Variants in DNAH8 observed in about 807,000 individuals in gnomAD.
DNAH8 encodes axonemal beta dynein heavy chain 8.
A neutral mutation model predicts 562.1 loss-of-function variants in DNAH8; 382 were observed. That is an observed-to-expected ratio of 0.68 (90% CI 0.63 to 0.74). DNAH8 has a LOEUF of 0.74. DNAH8 is among the 30% of genes least tolerant of loss of function. The pLI is 0.00. For missense variants in DNAH8, 5,203 were observed against 5,620.4 expected (o/e 0.93, Z 2.37); for synonymous variants, 1,881 against 1,919.4 (o/e 0.98, Z 0.52).
rs1422549185 is a variant in DNAH8 at position 38,857,989 on chromosome 6, A to G, written c.5958+247A>G. Reference sequence around the variant, plus strand: ...ATGAGCCAGCTAATTGTTCCATTAAACCAAATAACCAGGAACATGATATAA... The same window carrying G: ...ATGAGCCAGCTAATTGTTCCATTAAGCCAAATAACCAGGAACATGATATAA... On this transcript the variant is annotated intron_variant, in intron 42 of 92. Transcript: ENST00000327475. Among the ~76,000 whole-genome samples, 4 of 152,176 alleles carry G rather than the reference A, an allele frequency of 2.6e-5. No homozygotes were observed. In the East Asian group the frequency reaches 7.7e-4, roughly 29 times the overall value.
Position 38,842,483 on chromosome 6 carries a change from G to A in DNAH8, c.4582G>A (p.Glu1528Lys). 1.9e-6 allele frequency: 3 copies of A among 1,611,846 alleles called. No individual in the cohort carries two copies. Among genetic ancestry groups the A allele is most frequent in the South Asian group, 2.2e-5 (2 of 90,328 alleles). ...GDVDIEKINA[E>K]LLEFQNRCRK... ...TGTAGATATTGAAAAAATTAATGCA[G>A]AACTGCTGGAATTTCAAAACAGGTG... Residue 1528 changes from glutamate to lysine, a missense_variant, in exon 34 of 93, where the codon GAA becomes AAA. Physicochemically the swap from Glu to Lys is moderately conservative, Grantham distance 56. Around this residue, in one of 6 missense-constraint regions of DNAH8, gnomAD observed 2,176 missense variants for 2,365.1 expected, o/e 0.92. Coordinates refer to ENST00000327475, the MANE Select transcript of DNAH8 (RefSeq NM_001206927.2).
chr6:38,725,543 T>G (rs1763149374), intron 3 of DNAH8, among the ~76,000 whole-genome samples: 1 of 152,060 alleles, frequency 6.6e-6, no homozygotes. Flanking sequence ...AGCTCTAAGC[T>G]ATTATAATGA....
chr6:38,750,347 T>C, intron 8 of DNAH8, 129 bp from the exon 9 acceptor site: 1 of 501,860 alleles, frequency 2.0e-6, no homozygotes. Flanking sequence ...GAAAAACATA[T>C]ATTAATCACA....
At chr6:38,872,472 C>G in intron 49 of DNAH8, 64 bp from the exon 50 acceptor site, 1 of 1,527,124 alleles carries the variant, frequency 6.5e-7, no homozygotes, top group Non-Finnish European at 8.9e-7. Context: ...CTTCAAGTAG[C>G]TACTATGAAT....
chr6:38,750,411 G>T (rs1180658478), intron 8 of DNAH8, 65 bp from the exon 9 acceptor site: 2 of 1,032,590 alleles, frequency 1.9e-6, no homozygotes, highest in South Asian at 3.3e-5. Context: ...TGAATTTCCC[G>T]AGTAAACTTT....
intron 21 of DNAH8, among the ~76,000 whole-genome samples, chr6:38,793,443 G>A (rs2127660422): frequency 6.6e-6 from 1 of 152,250 alleles, no homozygotes; most frequent in Non-Finnish European, 1.5e-5. Flanking sequence ...TGATATTGAT[G>A]TAATTATACC....
intron 73 of DNAH8, among the ~76,000 whole-genome samples, chr6:38,924,407 G>C (rs1209030834): frequency 6.6e-6 from 1 of 151,910 alleles, no homozygotes; most frequent in Non-Finnish European, 1.5e-5. Context: ...AGCTACTCAG[G>C]AGGCTGAGGC....
At chr6:38,999,253 C>T (rs1359522720) in intron 88 of DNAH8, among the ~76,000 whole-genome samples, 1 of 152,164 alleles carries the variant, frequency 6.6e-6, no homozygotes, top group Non-Finnish European at 1.5e-5. Context: ...CACCAGTGAA[C>T]TTGGCCAGAG....
chr6:38,964,413 A>T (rs1397393368), intron 82 of DNAH8, among the ~76,000 whole-genome samples: 1 of 135,920 alleles, frequency 7.4e-6, no homozygotes, highest in Non-Finnish European at 1.6e-5. Flanking sequence ...GGGGCTCCTC[A>T]CTTCCCAGTA....
intron 59 of DNAH8, among the ~76,000 whole-genome samples, chr6:38,895,719 T>C (rs143139459): frequency 3.9e-5 from 6 of 152,304 alleles, no homozygotes; most frequent in South Asian, 4.1e-4. Context: ...AAAAGGTCCT[T>C]TGTGTACTGA....
intron 9 of DNAH8, among the ~76,000 whole-genome samples, chr6:38,755,727 G>T (rs1290481174): frequency 1.3e-5 from 2 of 152,088 alleles, no homozygotes; most frequent in Admixed American, 6.6e-5. Context: ...TGATAGCACA[G>T]AATTCTCTTT....
rs1386224345 is a variant in DNAH8 at position 38,911,473 on chromosome 6, G to A, written c.9746G>A (p.Arg3249His). 3.1e-6 allele frequency: 5 copies of A among 1,609,214 alleles called. No homozygotes were observed. Among genetic ancestry groups the A allele is most frequent in the Non-Finnish European group, 4.3e-6 (5 of 1,175,666 alleles). Residue 3249 changes from arginine (R) to histidine (H), a missense_variant, in exon 66 of 93, where the codon CGC becomes CAC. By Grantham distance (29) the Arg-to-His change is conservative. Transcript: ENST00000327475. ...ESCESYFQRYRRRAHVTPKSY... is the reference protein window; with the variant it reads ...ESCESYFQRYHRRAHVTPKSY... ...TTTTAATGTTCTGCTTTCAGATACC[G>A]CCGAAGAGCACATGTGACTCCCAAA... is the stretch of plus-strand genomic sequence containing the variant.
chr6:38,854,181 A>G (rs1277622403), intron 41 of DNAH8, among the ~76,000 whole-genome samples: 1 of 152,150 alleles, frequency 6.6e-6, no homozygotes, highest in Admixed American at 6.5e-5. Context: ...TTAAAAATGG[A>G]CATAAATTGT....
At chr6:38,903,094 G>T (rs1490820400) in intron 62 of DNAH8, among the ~76,000 whole-genome samples, 1 of 152,188 alleles carries the variant, frequency 6.6e-6, no homozygotes, top group East Asian at 1.9e-4. Flanking sequence ...CAGGTTTGTA[G>T]CTTAGGAGCA....
chr6:38,940,447 A>T (rs1317794452), intron 79 of DNAH8, among the ~76,000 whole-genome samples: 1 of 152,200 alleles, frequency 6.6e-6, no homozygotes, highest in East Asian at 1.9e-4. Context: ...TCAGAATCAG[A>T]ATAGGCCAGG....
At chr6:38,738,061 G>T in intron 7 of DNAH8, 89 bp downstream of exon 7, 1 of 1,358,334 alleles carries the variant, frequency 7.4e-7, no homozygotes, top group South Asian at 1.3e-5. Context: ...AAAGGGAAGA[G>T]GTGTCTCCTT....
intron 1 of DNAH8, among the ~76,000 whole-genome samples, chr6:38,719,883 C>T (rs994386876): frequency 6.6e-5 from 10 of 152,206 alleles, no homozygotes; most frequent in African/African-American, 2.4e-4. Flanking sequence ...AATGGTGGCA[C>T]AGAAGCAAGC....
chr6:38,732,448 G>A (rs1376711959), intron 4 of DNAH8, among the ~76,000 whole-genome samples: 1 of 152,134 alleles, frequency 6.6e-6, no homozygotes, highest in African/African-American at 2.4e-5. Flanking sequence ...CTATGAATGG[G>A]CATTTGGGCT....
chr6:38,913,283 G>A (rs1208768824), intron 66 of DNAH8, among the ~76,000 whole-genome samples: 1 of 152,138 alleles, frequency 6.6e-6, no homozygotes, highest in Non-Finnish European at 1.5e-5. Context: ...TTTTCCCAGT[G>A]ACCCAGATTT....
Sources: gnomAD v4.1 joint callset for allele counts (sites outside exome capture counted in the v4.1 genomes callset) on GRCh38, gnomAD v4.1.1 for gene constraint, gnomAD v4.1.1 regional missense constraint, MANE v1.5 for transcripts, NCBI Gene and HGNC (gene_info 2026-07-23, HGNC 2026-07-21) for gene names.